The following BCAR3 variants were observed in gnomAD, a reference collection of about 807,000 sequenced individuals.
BCAR3 encodes BCAR3 adaptor protein, NSP family member, also known as breast cancer anti-estrogen resistance protein 3.
Under a neutral mutation model 80.1 loss-of-function variants are expected in BCAR3, and 37 were observed. That is an observed-to-expected ratio of 0.46 (90% CI 0.36 to 0.61). BCAR3 has a LOEUF of 0.61. BCAR3 is among the 20% of genes least tolerant of loss of function. The pLI is 0.00. For synonymous variants in BCAR3, 389 were observed against 418.9 expected, an observed-to-expected ratio of 0.93 and a Z score of 0.87; for missense variants, 978 against 1,068.2, an observed-to-expected ratio of 0.92 and a Z score of 1.18.
rs532512503 is a variant in BCAR3 at position 93,804,903 on chromosome 1, G to A, written c.-63+40664C>T. Among the ~76,000 whole-genome samples, 21 of 152,244 alleles carry A rather than the reference G, an allele frequency of 1.4e-4. No individual in the cohort carries two copies. In the South Asian group the frequency reaches 1.9e-3, roughly 14 times the overall value. On this transcript the variant is annotated intron_variant, in intron 2 of 13. Coordinates refer to the BCAR3 transcript ENST00000370244. ...GTCTTTGTGTGGAATTATGTTTCAC[G>A]TCTTTTGGGTAAATACTTATGAGTG...
intron 2 of BCAR3, among the ~76,000 whole-genome samples, chr1:93,830,513 G>T (rs1380058271): frequency 1.3e-5 from 2 of 151,908 alleles, no homozygotes; most frequent in Non-Finnish European, 2.9e-5. Context: ...TCCTGCTCCT[G>T]GCTCAGAAGC....
At chr1:93,807,288 A>G (rs1313573357) in intron 2 of BCAR3, among the ~76,000 whole-genome samples, 1 of 152,212 alleles carries the variant, frequency 6.6e-6, no homozygotes, top group Non-Finnish European at 1.5e-5. Flanking sequence ...CATCAGAACA[A>G]GGATCACTGA....
intron 5 of BCAR3, 135 bp from the exon 6 acceptor site, chr1:93,584,256 A>G: frequency 1.4e-6 from 1 of 717,786 alleles, no homozygotes; most frequent in Non-Finnish European, 2.3e-6. Flanking sequence ...AGCATACCCT[A>G]AAAGTAAAGG....
intron 2 of BCAR3, among the ~76,000 whole-genome samples, chr1:93,770,893 T>C (rs1652337304): frequency 6.6e-6 from 1 of 152,110 alleles, no homozygotes; most frequent in African/African-American, 2.4e-5. Flanking sequence ...TCTATGCAAG[T>C]GGTGTCATCT....
chr1:93,593,114 T>TG (rs60755834), intron 3 of BCAR3, among the ~76,000 whole-genome samples: 6,595 of 152,268 alleles, frequency 0.043, 227 homozygotes, highest in East Asian at 0.14. Flanking sequence ...CAGTGAGTGC[T>TG]GGGTGGACAG....
At chr1:93,597,029 T>C (rs1223272112) in intron 3 of BCAR3, among the ~76,000 whole-genome samples, 1 of 152,182 alleles carries the variant, frequency 6.6e-6, no homozygotes, top group Non-Finnish European at 1.5e-5. Flanking sequence ...GAGACAAACA[T>C]GCAGGCAGGG....
chr1:93,634,726 A>T (rs1487790983), intron 3 of BCAR3, among the ~76,000 whole-genome samples: 1 of 151,488 alleles, frequency 6.6e-6, no homozygotes, highest in Non-Finnish European at 1.5e-5. Context: ...ACAACAAAAA[A>T]AAAACGGAGT....
At chr1:93,579,464 G>C (rs1372520448) in intron 7 of BCAR3, among the ~76,000 whole-genome samples, 1 of 152,046 alleles carries the variant, frequency 6.6e-6, no homozygotes, top group Non-Finnish European at 1.5e-5. Context: ...GCTGCCTGGG[G>C]ACCCCATCCA....
chr1:93,608,475 T>C (rs1674847929), intron 3 of BCAR3, among the ~76,000 whole-genome samples: 1 of 152,222 alleles, frequency 6.6e-6, no homozygotes, highest in African/African-American at 2.4e-5. Flanking sequence ...GCGCAGGCTG[T>C]GCGGGGAGAC....
At chr1:93,847,742 TCTC>T, upstream of BCAR3, 1 of 152,212 alleles carries the variant, frequency 6.6e-6, no homozygotes, top group Non-Finnish European at 1.5e-5. Context: ...CGGTTTAACT[TCTC>T]TCTCATTCCC....
intron 2 of BCAR3, among the ~76,000 whole-genome samples, chr1:93,751,503 T>A (rs1038850485): frequency 6.6e-6 from 1 of 152,202 alleles, no homozygotes; most frequent in African/African-American, 2.4e-5. Context: ...GTTTCCAGAC[T>A]ATGGCAGCAA....
rs1648398099 is a variant in BCAR3 at position 93,674,855 on chromosome 1, C to T, written c.76G>A (p.Asp26Asn). The change falls in exon 2 of 12, where the codon GAC becomes AAC. Residue 26 changes from aspartate to asparagine, a missense_variant. Transcript: ENST00000260502. The stretch of plus-strand genomic sequence containing the variant: ...AGAGGGGACCTGCTGCTCAGAAGGT[C>T]CATGGATGAGGCCAGGGGGAACTGG... Reference protein sequence around the residue: ...NHQFPLASSMDLLSSRSPLAE... With the variant: ...NHQFPLASSMNLLSSRSPLAE... 6.3e-7 allele frequency: 1 copy of T among 1,599,840 alleles called. No homozygotes were observed.
At chr1:93,720,526 C>T (rs1386989183) in intron 2 of BCAR3, among the ~76,000 whole-genome samples, 2 of 152,144 alleles carry the variant, frequency 1.3e-5, no homozygotes. Flanking sequence ...ACAGTGGTGC[C>T]TTACATGGCC....
intron 2 of BCAR3, among the ~76,000 whole-genome samples, chr1:93,756,268 A>G (rs1214667476): frequency 6.6e-6 from 1 of 152,182 alleles, no homozygotes; most frequent in Non-Finnish European, 1.5e-5. Flanking sequence ...TTAGAAAACA[A>G]TGGTTGGCCC....
intron 3 of BCAR3, among the ~76,000 whole-genome samples, chr1:93,634,710 AC>A (rs1675723364): frequency 7.8e-6 from 1 of 127,784 alleles, no homozygotes; most frequent in African/African-American, 3.7e-5. Context: ...AACAACAACA[AC>A]AACAACAACA....
intron 2 of BCAR3, among the ~76,000 whole-genome samples, chr1:93,810,192 C>CAAAAA (rs111305058): frequency 1.8e-4 from 18 of 98,846 alleles, no homozygotes; most frequent in African/African-American, 2.8e-4. Context: ...GACTCCATCT[C>CAAAAA]AAAAAAAAAA....
chr1:93,581,888 G>A (rs1005232881), intron 7 of BCAR3, among the ~76,000 whole-genome samples: 4 of 152,226 alleles, frequency 2.6e-5, no homozygotes, highest in Admixed American at 6.5e-5. Context: ...CTACTCTCCT[G>A]TAGCTTTGGC....
At chr1:93,575,351 T>C (rs947281960) in intron 8 of BCAR3, among the ~76,000 whole-genome samples, 1 of 152,228 alleles carries the variant, frequency 6.6e-6, no homozygotes, top group African/African-American at 2.4e-5. Flanking sequence ...GGCTTTGTGG[T>C]AATATGGATA....
intron 2 of BCAR3, among the ~76,000 whole-genome samples, chr1:93,759,934 C>T (rs908137574): frequency 2.6e-5 from 4 of 152,160 alleles, no homozygotes; most frequent in Non-Finnish European, 5.9e-5. Flanking sequence ...TATGGTCAAT[C>T]AGAGATCTCC....
Sources: gnomAD v4.1 joint callset for allele counts (sites outside exome capture counted in the v4.1 genomes callset) on GRCh38, gnomAD v4.1.1 for gene constraint, MANE v1.5 for transcripts, NCBI Gene and HGNC (gene_info 2026-07-23, HGNC 2026-07-21) for gene names.